ANK3: variants seen among roughly 807,000 people sequenced by gnomAD.
The protein encoded by ANK3 is ankyrin 3, also known as ankyrin-3.
In ANK3, 57 loss-of-function variants were observed where a neutral mutation model predicts 370.9. The ratio of observed to expected loss-of-function variants is 0.15; its 90% CI spans 0.12 to 0.19. The LOEUF (loss-of-function observed/expected upper bound fraction) is 0.19, where lower values mean the gene tolerates loss of function less well. ANK3 is among the 10% of genes least tolerant of loss of function. ANK3 has a pLI of 1.00. For missense variants in ANK3, 4,439 were observed against 5,302.1 expected (o/e 0.84, Z 5.06); for synonymous variants, 1,929 against 1,946.3 (o/e 0.99, Z 0.23).
chr10:60,209,593 T>A (rs1311134521), intron 9 of ANK3, among the ~76,000 whole-genome samples: 2 of 152,166 alleles, frequency 1.3e-5, no homozygotes, highest in Non-Finnish European at 2.9e-5. Flanking sequence ...TGTCAGCCCA[T>A]CAGGATATTT....
In ANK3 at chr10:60,180,594, CAA is replaced by C. The variant is rs58386273; in HGVS notation, c.2184+733_2184+734del. ...CTGGTAACAGAGTGAGACTCCGTCT[CAA>C]AAAAAAAAAAAAAAAAACCAAAAAA... On this transcript the variant is annotated intron_variant, in intron 18 of 43. Transcript: ENST00000280772. 1.1e-4 allele frequency among the ~76,000 whole-genome samples: 7 copies of C among 63,426 alleles called. 1 individual carries two copies. The East Asian group carries it at 2.5e-3, about 23-fold the overall frequency. The allele number at this position is 63,426 out of a possible 152,430, so 41.6% of individuals were successfully genotyped here. A position where few individuals can be genotyped will look rare whatever the true frequency, so the allele number is the denominator to read the frequency against.
chr10:60,307,444 C>T (rs1400495135), intron 1 of ANK3, among the ~76,000 whole-genome samples: 1 of 152,074 alleles, frequency 6.6e-6, no homozygotes, highest in African/African-American at 2.4e-5. Flanking sequence ...GCAACTCTCC[C>T]ACCTCAGCCT....
At chr10:60,113,404 T>C (rs2092852634) in intron 26 of ANK3, among the ~76,000 whole-genome samples, 1 of 152,198 alleles carries the variant, frequency 6.6e-6, no homozygotes, top group South Asian at 2.1e-4. Context: ...CAGAGCTTAC[T>C]GCTCATTTAA....
At position 60,196,539 on chromosome 10, in the gene ANK3, A is replaced by T. The variant is rs1186685914; in HGVS notation, c.1776T>A (p.Asp592Glu). ...NLLLQKSASP[D>E]AAGKSGLTPL... is the part of the protein sequence containing the mutation. ...GGTGACCTCTTACCTTCCCAGCAGC[A>T]TCTGGAGATGCACTTTTCTGTAGCA... The change falls in exon 15 of 44, where the codon GAT (aspartate) becomes GAA (glutamate). Residue 592 changes from aspartate (D) to glutamate (E), a missense_variant. Asp to Glu is a conservative substitution (Grantham distance 45). Coordinates refer to ENST00000280772, the MANE Select transcript of ANK3 (RefSeq NM_020987.5). The T allele has an allele frequency of 6.2e-7, 1 of 1,612,932 alleles. No homozygotes were observed. The highest frequency in any genetic ancestry group is 1.7e-5 in the Admixed American group (1 of 59,970).
chr10:60,506,952 T>G (rs1005427864), intron 2 of ANK3, among the ~76,000 whole-genome samples: 1 of 152,082 alleles, frequency 6.6e-6, no homozygotes, highest in Non-Finnish European at 1.5e-5. Context: ...ATTTATGAAA[T>G]GTGAAATATA....
chr10:60,554,043 G>T lies in ANK3; in HGVS notation c.96+61143C>A, dbSNP rs1372029307. On this transcript the variant is annotated intron_variant, in intron 2 of 43. Coordinates refer to the ANK3 transcript ENST00000373827. ...TTTCTTAAATAATCATTAAAAGTTG[G>T]CAAGACTGGCTCCAATTTATTCAAT... Among the ~76,000 whole-genome samples, 3 of 152,190 alleles carry T rather than the reference G, an allele frequency of 2.0e-5. No individual in the cohort carries two copies. In the South Asian group the frequency reaches 6.2e-4, roughly 32 times the overall value.
At position 60,062,978 on chromosome 10, in the gene ANK3, G is replaced by C; in HGVS notation, c.12595+133C>G. 3.4e-6 allele frequency: 3 copies of C among 879,528 alleles called. No homozygotes were observed. In the East Asian group the frequency reaches 8.1e-5, roughly 24 times the overall value. The allele number at this position is 879,528 out of a possible 1,614,324, so 54.5% of individuals were successfully genotyped here. ...TCTGATATCAGAGTGTTTATTTGCA[G>C]ACTCTGGCAGAGAAAATGAGAAACT... On this transcript the variant is annotated intron_variant, in intron 40 of 43. Transcript: ENST00000280772.
At chr10:60,277,517 C>A (rs2098108769) in intron 4 of ANK3, among the ~76,000 whole-genome samples, 1 of 152,148 alleles carries the variant, frequency 6.6e-6, no homozygotes, top group African/African-American at 2.4e-5. Context: ...ATTTTCATAG[C>A]ATAAGCAAAA....
chr10:60,236,328 C>T (rs1215979281), intron 7 of ANK3, among the ~76,000 whole-genome samples: 1 of 150,490 alleles, frequency 6.6e-6, no homozygotes, highest in African/African-American at 2.5e-5. Context: ...GCACCCAAGA[C>T]CCCCTCCATG....
chr10:60,414,207 T>C (rs747060727), intron 2 of ANK3, among the ~76,000 whole-genome samples: 4 of 152,172 alleles, frequency 2.6e-5, no homozygotes, highest in Non-Finnish European at 4.4e-5. Context: ...ATTTATCATG[T>C]AAAACATGCC....
chr10:60,369,960 T>G (rs1053751729), intron 1 of ANK3, among the ~76,000 whole-genome samples: 1 of 152,186 alleles, frequency 6.6e-6, no homozygotes, highest in Non-Finnish European at 1.5e-5. Context: ...CGGCATTCTT[T>G]ACTGGTAATT....
rs145575754 is a variant in ANK3, at chr10:60,083,582, A to G, written c.4110T>C (p.Tyr1370=). ...LEGKPIYVDC[Y]GNLAPLTKGG... ...CTTTGGTAAGTGGGGCCAAATTTCCATAACAATCAACATAAATAGGTTTTC... is the reference window on the plus strand; with the variant it reads ...CTTTGGTAAGTGGGGCCAAATTTCCGTAACAATCAACATAAATAGGTTTTC... Residue 1370 remains tyrosine, a synonymous_variant, in exon 33 of 44, where the codon TAT becomes TAC. Coordinates refer to ENST00000280772, the MANE Select transcript of ANK3 (RefSeq NM_020987.5). 7.0e-5 allele frequency: 113 copies of G among 1,610,440 alleles called. No homozygotes were observed. Among genetic ancestry groups the G allele is most frequent in the South Asian group, 8.9e-5 (8 of 90,206 alleles).
At chr10:60,333,377 C>T (rs2051883617) in intron 1 of ANK3, among the ~76,000 whole-genome samples, 1 of 152,052 alleles carries the variant, frequency 6.6e-6, no homozygotes, top group Non-Finnish European at 1.5e-5. Context: ...TCAACTCCCA[C>T]TTATGAGTGA....
At position 60,071,378 on chromosome 10, in the gene ANK3, G is replaced by A. The variant is rs1247094865; in HGVS notation, c.9503C>T (p.Thr3168Ile). The A allele has an allele frequency of 6.2e-7, 1 of 1,614,070 alleles. No individual in the cohort carries two copies. ...TTCCTCTGAACTGGGTGTTTCTGGG[G>A]TTAAAGGGCTTTTCCCAGAGCTGTC... The part of the protein sequence containing the change: ...FLDSSGKSPL[T>I]PETPSSEEVS... The change falls in exon 37 of 44, where the codon ACC becomes ATC. Residue 3168 changes from threonine (T) to isoleucine (I), a missense_variant. Physicochemically the swap from Thr to Ile is moderately conservative, Grantham distance 89. Coordinates refer to ENST00000280772, the MANE Select transcript of ANK3 (RefSeq NM_020987.5).
chr10:60,662,150 GA>G (rs1564510463), intron 1 of ANK3, among the ~76,000 whole-genome samples: 1 of 152,030 alleles, frequency 6.6e-6, no homozygotes, highest in Non-Finnish European at 1.5e-5. Flanking sequence ...GGTCGTTTTT[GA>G]GTTTATTTTG....
Position 60,300,580 on chromosome 10 carries a change from C to G in ANK3, c.115-20941G>C, listed in dbSNP as rs992223502. On this transcript the variant is annotated intron_variant, in intron 1 of 43. Coordinates refer to ENST00000280772, the MANE Select transcript of ANK3 (RefSeq NM_020987.5). Reference sequence around the variant, plus strand: ...GCCCTTATAAACAGCATAGTACCTCCCAGAATTCCCCACGACTTACCATAT... The same window carrying G: ...GCCCTTATAAACAGCATAGTACCTCGCAGAATTCCCCACGACTTACCATAT... 3 of 1,152,588 alleles carry G rather than the reference C, an allele frequency of 2.6e-6. No individual in the cohort carries two copies. The African/African-American group carries it at 4.9e-5, about 19-fold the overall frequency. The allele number at this position is 1,152,588 out of a possible 1,614,324, so 71.4% of individuals were successfully genotyped here.
At chr10:60,095,855 G>T (rs1174123749) in intron 28 of ANK3, among the ~76,000 whole-genome samples, 1 of 152,076 alleles carries the variant, frequency 6.6e-6, no homozygotes, top group African/African-American at 2.4e-5. Context: ...ACCTCTTTCT[G>T]GAAGTTTTGT....
intron 2 of ANK3, among the ~76,000 whole-genome samples, chr10:60,503,955 G>A (rs182131321): frequency 4.9e-4 from 74 of 152,206 alleles, no homozygotes; most frequent in African/African-American, 1.7e-3. Flanking sequence ...TTTCCAGAAA[G>A]ACCAAAAAGA....
intron 2 of ANK3, among the ~76,000 whole-genome samples, chr10:60,497,639 A>G (rs184774895): frequency 1.3e-5 from 2 of 152,356 alleles, no homozygotes; most frequent in Admixed American, 1.3e-4. Context: ...AACAAAGAGA[A>G]GCATTCTTTG....
Sources: allele counts gnomAD v4.1 joint callset (sites outside exome capture counted in the v4.1 genomes callset), GRCh38; gene constraint gnomAD v4.1.1; transcripts MANE v1.5; gene names NCBI Gene and HGNC (gene_info 2026-07-23, HGNC 2026-07-21).